SULF2: variants seen among roughly 807,000 people sequenced by gnomAD.
The protein encoded by SULF2 is extracellular sulfatase Sulf-2.
SULF2 carries 52 observed loss-of-function variants against 107.7 expected under a neutral mutation model. That is an observed-to-expected ratio of 0.48 (90% CI 0.39 to 0.61). The LOEUF is 0.61. Ranked by LOEUF, SULF2 falls within the 20% of genes least tolerant of loss-of-function variation. The pLI is 0.00. For missense variants in SULF2, 993 were observed against 1,177.3 expected (o/e 0.84, Z 2.29); for synonymous variants, 460 against 464.3 (o/e 0.99, Z 0.12).
chr20:47,716,817 G>A (rs548350502), intron 3 of SULF2, among the ~76,000 whole-genome samples: 2 of 152,212 alleles, frequency 1.3e-5, no homozygotes, highest in East Asian at 3.9e-4. Context: ...GTGACAAAGT[G>A]AGACCTCATC....
At position 47,674,303 on chromosome 20, in the gene SULF2, T is replaced by C. The variant is rs1275020240; in HGVS notation, c.1381-1910A>G. 2.6e-5 allele frequency among the ~76,000 whole-genome samples: 4 copies of C among 152,282 alleles called. No homozygotes were observed. In the Middle Eastern group the frequency reaches 0.01, roughly 388 times the overall value. On this transcript the variant is annotated intron_variant, in intron 10 of 20. Transcript: ENST00000688720. ...AGGGCTGGGCCAGTGTCGGCTTGAC[T>C]TGGGGTCCCTACAGCTGCTGAGAAC...
intron 2 of SULF2, among the ~76,000 whole-genome samples, chr20:47,746,271 G>GT (rs1419294640): frequency 1.3e-5 from 2 of 152,266 alleles, no homozygotes; most frequent in Non-Finnish European, 2.9e-5. Flanking sequence ...CAGGCATTCA[G>GT]TGGGGAAGAG....
At chr20:47,721,325 G>C (rs1490034885) in intron 3 of SULF2, among the ~76,000 whole-genome samples, 1 of 152,056 alleles carries the variant, frequency 6.6e-6, no homozygotes, top group East Asian at 1.9e-4. Flanking sequence ...CGAGCTGGGG[G>C]CTGGGAGAAA....
intron 3 of SULF2, among the ~76,000 whole-genome samples, chr20:47,718,615 T>C (rs1178631733): frequency 1.3e-5 from 2 of 152,064 alleles, no homozygotes; most frequent in Non-Finnish European, 2.9e-5. Flanking sequence ...GGGTGGTTGG[T>C]TCCAGGCTAT....
chr20:47,720,299 C>T (rs2089249493), intron 3 of SULF2, among the ~76,000 whole-genome samples: 1 of 152,076 alleles, frequency 6.6e-6, no homozygotes, highest in South Asian at 2.1e-4. Context: ...CTTTGCCACC[C>T]AGGCTGGAGT....
In SULF2 at chr20:47,780,402, C is replaced by T. The variant is rs552276669; in HGVS notation, c.-101+4941G>A. Among the ~76,000 whole-genome samples, 24 of 152,268 alleles carry T rather than the reference C, an allele frequency of 1.6e-4. No homozygotes were observed. In the South Asian group the frequency reaches 5.0e-3, roughly 32 times the overall value. On this transcript the variant is annotated intron_variant, in intron 1 of 20. Transcript: ENST00000688720. Reference sequence around the variant, plus strand: ...CCTCTGGGCCTTTGCACTAGCTGTTCCTTCTACCTGGCATGCTCTTCCCCC... The same window carrying T: ...CCTCTGGGCCTTTGCACTAGCTGTTTCTTCTACCTGGCATGCTCTTCCCCC...
chr20:47,777,836 A>G lies in SULF2; in HGVS notation c.-101+7507T>C, dbSNP rs78924848. Among the ~76,000 whole-genome samples the G allele has an allele frequency of 5.3e-3, 800 of 152,268 alleles. 7 individuals are homozygous for G. Among genetic ancestry groups the G allele is most frequent in the African/African-American group, 0.018 (768 of 41,552 alleles). On this transcript the variant is annotated intron_variant, in intron 1 of 20. Coordinates refer to ENST00000688720, the MANE Select transcript of SULF2 (RefSeq NM_001387048.1). ...ATCTCCAAGGCTTCTGTGAGCTAAC[A>G]GTTTTTTCAATCTCTTTTCAAAAAG...
chr20:47,728,240 T>C (rs2089499424), intron 3 of SULF2, among the ~76,000 whole-genome samples: 1 of 152,052 alleles, frequency 6.6e-6, no homozygotes, highest in African/African-American at 2.4e-5. Flanking sequence ...TGCACACTTG[T>C]GTGCACTCAA....
intron 1 of SULF2, among the ~76,000 whole-genome samples, chr20:47,780,372 C>T (rs1600701193): frequency 6.6e-6 from 1 of 152,056 alleles, no homozygotes; most frequent in Non-Finnish European, 1.5e-5. Context: ...AGGCCCCTCC[C>T]ACCGCCTCTG....
chr20:47,745,826 G>A (rs542337500), intron 2 of SULF2, among the ~76,000 whole-genome samples: 4 of 152,160 alleles, frequency 2.6e-5, no homozygotes, highest in Admixed American at 6.5e-5. Flanking sequence ...CACTGTGCCC[G>A]GCCACATGTC....
In SULF2 at chr20:47,666,695, CG is replaced by C. The variant is rs993806644; in HGVS notation, c.1577-208del. 6.6e-6 allele frequency among the ~76,000 whole-genome samples: 1 copy of C among 152,200 alleles called. No homozygotes were observed. Among genetic ancestry groups the C allele is most frequent in the Admixed American group, 6.5e-5 (1 of 15,286 alleles). On this transcript the variant is annotated intron_variant, in intron 11 of 20. Transcript: ENST00000688720. This position sits in a 1 kb window ranked among gnomAD's most constrained non-coding sequence, Gnocchi z 5.4. ...CCTCGAGGTGATCACACCGGCAAGA[CG>C]GAAGTCCTGGAGCCAAGAAGCCACT...
At position 47,723,684 on chromosome 20, in the gene SULF2, C is replaced by T. The variant is rs1291329585; in HGVS notation, c.415+13019G>A. On this transcript the variant is annotated intron_variant, in intron 3 of 20. Transcript: ENST00000688720. The stretch of plus-strand genomic sequence containing the variant: ...GCATGCGGGGGATCTAGGTTGTGCA[C>T]TCCTTATGACAATCTAATGCCTGAT... Among the ~76,000 whole-genome samples the T allele has an allele frequency of 2.0e-5, 3 of 152,326 alleles. No homozygotes were observed. In the East Asian group the frequency reaches 5.8e-4, roughly 29 times the overall value.
intron 19 of SULF2, 82 bp downstream of exon 19, chr20:47,659,615 G>A: frequency 7.1e-7 from 1 of 1,399,354 alleles, no homozygotes. Context: ...CAAGATAACA[G>A]GTGCAGACTC....
At chr20:47,760,771 C>T (rs1412822908) in intron 1 of SULF2, among the ~76,000 whole-genome samples, 1 of 152,176 alleles carries the variant, frequency 6.6e-6, no homozygotes, top group Non-Finnish European at 1.5e-5. Flanking sequence ...GGGACACACT[C>T]GATGCAGTCG....
intron 17 of SULF2, among the ~76,000 whole-genome samples, chr20:47,662,125 TA>T (rs965340372): frequency 6.6e-6 from 1 of 152,204 alleles, no homozygotes; most frequent in Non-Finnish European, 1.5e-5. Flanking sequence ...CTCAGGAGAA[TA>T]AAAACCACGT....
chr20:47,672,249 C>A lies in SULF2; in HGVS notation c.1525G>T (p.Gly509Trp). 6.2e-7 allele frequency: 1 copy of A among 1,613,362 alleles called. No individual in the cohort carries two copies. Reference sequence around the variant, plus strand: ...CCGGCCAGGCTGAGCTTGTAGTCCCCGCTGTCACAGGTGCAGGCCTCGCTG... The same window carrying A: ...CCGGCCAGGCTGAGCTTGTAGTCCCAGCTGTCACAGGTGCAGGCCTCGCTG... ...QGSEACTCDSGDYKLSLAGRR... is the reference protein window; with the variant it reads ...QGSEACTCDSWDYKLSLAGRR... The change falls in exon 11 of 21, where the codon GGG becomes TGG. Residue 509 changes from glycine (G) to tryptophan (W), a missense_variant. Physicochemically the swap from Gly to Trp is radical, Grantham distance 184 (BLOSUM62 -2). This residue lies in a region of SULF2 where 497 missense variants were observed against 544.1 expected (regional missense o/e 0.91). Coordinates refer to ENST00000688720, the MANE Select transcript of SULF2 (RefSeq NM_001387048.1).
chr20:47,693,573 A>C (rs1357680467), intron 4 of SULF2, among the ~76,000 whole-genome samples: 1 of 152,278 alleles, frequency 6.6e-6, no homozygotes, highest in Non-Finnish European at 1.5e-5. Context: ...AACGTGGATA[A>C]ATCTTACAAT....
At chr20:47,747,272 A>G (rs747412326) in intron 2 of SULF2, among the ~76,000 whole-genome samples, 30 of 152,314 alleles carry the variant, frequency 2.0e-4, no homozygotes, top group Non-Finnish European at 4.3e-4. Context: ...AAGGCTCCAA[A>G]TCGGTTCCTA....
intron 3 of SULF2, among the ~76,000 whole-genome samples, chr20:47,708,404 G>C (rs1025199068): frequency 6.6e-6 from 1 of 152,170 alleles, no homozygotes; most frequent in African/African-American, 2.4e-5. Context: ...ACGGGGAAGA[G>C]GGGACAGATC....
Sources: gnomAD v4.1 joint callset for allele counts (sites outside exome capture counted in the v4.1 genomes callset) on GRCh38, gnomAD v4.1.1 for gene constraint, gnomAD v4.1.1 regional missense constraint, Gnocchi (gnomAD v3.1) non-coding constraint, MANE v1.5 for transcripts, NCBI Gene and HGNC (gene_info 2026-07-23, HGNC 2026-07-21) for gene names.